MINPP1: variants seen among roughly 807,000 people sequenced by gnomAD.
MINPP1 encodes the protein multiple inositol polyphosphate phosphatase 1.
MINPP1 carries 28 observed loss-of-function variants against 46.1 expected under a neutral mutation model. The observed-to-expected ratio is 0.61, with a 90% CI of 0.45 to 0.83. The LOEUF is 0.83. Ranked by LOEUF, MINPP1 falls within the 40% of genes least tolerant of loss-of-function variation. The probability of loss-of-function intolerance (pLI) is 0.00; values close to 1 mark genes in which losing one functional copy is unlikely to be tolerated. For missense variants in MINPP1, 603 were observed against 610.0 expected (o/e 0.99, Z 0.12); for synonymous variants, 268 against 249.1 (o/e 1.08, Z -0.72).
chr10:87,514,899 A>G (rs1851391147), intron 3 of MINPP1, among the ~76,000 whole-genome samples: 1 of 151,616 alleles, frequency 6.6e-6, no homozygotes, highest in African/African-American at 2.4e-5. Flanking sequence ...TATTTTTAGT[A>G]GAGATGGGGT....
rs1478810386 is a variant in MINPP1, at chr10:87,553,003, G to C, written c.*525G>C. On this transcript the variant is annotated 3_prime_UTR_variant, in exon 5 of 5. Coordinates refer to ENST00000371996, the MANE Select transcript of MINPP1 (RefSeq NM_004897.5). ...ATCTCCAGATGAGAATTTGAAACAA[G>C]AAACAGAGTGTTGTAAAAGGACACC... 6.6e-6 allele frequency: 1 copy of C among 152,370 alleles called. No individual in the cohort carries two copies. The highest frequency in any genetic ancestry group is 1.5e-5 in the Non-Finnish European group (1 of 68,168). The allele number at this position is 152,370 out of a possible 1,614,324, so 9.4% of individuals were successfully genotyped here. A position where few individuals can be genotyped will look rare whatever the true frequency, so the allele number is the denominator to read the frequency against.
intron 4 of MINPP1, 33 bp from the exon 5 acceptor site, chr10:87,552,049 T>C: frequency 6.5e-7 from 1 of 1,537,430 alleles, no homozygotes; most frequent in Non-Finnish European, 8.9e-7. Context: ...CATTAATATA[T>C]ATACCTTATT....
intron 3 of MINPP1, among the ~76,000 whole-genome samples, chr10:87,520,508 CCAAA>C (rs1851485106): frequency 6.6e-6 from 1 of 152,128 alleles, no homozygotes; most frequent in Non-Finnish European, 1.5e-5. Flanking sequence ...TATTTTTTCA[CCAAA>C]CAGATACATG....
At chr10:87,531,039 A>G (rs1388580945) in intron 4 of MINPP1, among the ~76,000 whole-genome samples, 2 of 152,128 alleles carry the variant, frequency 1.3e-5, no homozygotes, top group Non-Finnish European at 2.9e-5. Context: ...GCCGTTTGCT[A>G]AGACCATTGG....
In MINPP1 at chr10:87,505,288, C is replaced by T. The variant is rs1490271443; in HGVS notation, c.373C>T (p.Arg125Cys). The change falls in exon 1 of 5, where the codon CGC becomes TGC. Residue 125 changes from arginine (R) to cysteine (C), a missense_variant. Arg to Cys is a radical substitution (Grantham distance 180). Around this residue, in one of 3 missense-constraint regions of MINPP1, gnomAD observed 239 missense variants for 189.4 expected, o/e 1.26. Coordinates refer to ENST00000371996, the MANE Select transcript of MINPP1 (RefSeq NM_004897.5). This position sits in a 1 kb window ranked among gnomAD's most constrained non-coding sequence, Gnocchi z 4.4. ...TGGCGGGGCTAGTAGTACCGGCAGC[C>T]GCGACCTGGGTGCAGCGCTGGCCGA... The part of the protein sequence containing the change: ...RDGGASSTGS[R>C]DLGAALADWP... 1 of 1,610,950 alleles carries T rather than the reference C, an allele frequency of 6.2e-7. No homozygotes were observed. Among genetic ancestry groups the T allele is most frequent in the Non-Finnish European group, 8.5e-7 (1 of 1,177,780 alleles).
At chr10:87,550,457 T>C (rs1470144964) in intron 4 of MINPP1, among the ~76,000 whole-genome samples, 1 of 152,198 alleles carries the variant, frequency 6.6e-6, no homozygotes, top group East Asian at 1.9e-4. Context: ...AGTGAATAAT[T>C]GTCTTTTAGT....
chr10:87,515,413 AAG>A (rs1491538250), intron 3 of MINPP1, among the ~76,000 whole-genome samples: 1 of 152,178 alleles, frequency 6.6e-6, no homozygotes, highest in Non-Finnish European at 1.5e-5. Context: ...AAGGAAAAAA[AAG>A]AACTTCTAAT....
chr10:87,531,792 G>A (rs1318425874), intron 4 of MINPP1, among the ~76,000 whole-genome samples: 3 of 152,172 alleles, frequency 2.0e-5, no homozygotes, highest in African/African-American at 4.8e-5. Context: ...TATGTAAGGT[G>A]TATATGGAAC....
intron 4 of MINPP1, among the ~76,000 whole-genome samples, chr10:87,535,600 C>T (rs77954815): frequency 6.6e-6 from 1 of 152,074 alleles, no homozygotes; most frequent in Non-Finnish European, 1.5e-5. Flanking sequence ...CAGAGAAAAA[C>T]AGTATACTTT....
chr10:87,511,411 T>C, intron 2 of MINPP1, among the ~76,000 whole-genome samples: 1 of 152,324 alleles, frequency 6.6e-6, no homozygotes, highest in Non-Finnish European at 1.5e-5. Context: ...CTTCCTTTTT[T>C]GTTGTTTTAT....
At chr10:87,508,077 C>A in intron 1 of MINPP1, 2 of 1,472,470 alleles carry the variant, frequency 1.4e-6, no homozygotes, top group South Asian at 1.4e-5. Context: ...GATGCAATTT[C>A]ATTGCGTAGC....
At chr10:87,533,757 A>G (rs748126917) in intron 4 of MINPP1, among the ~76,000 whole-genome samples, 17 of 152,062 alleles carry the variant, frequency 1.1e-4, no homozygotes, top group Non-Finnish European at 2.1e-4. Context: ...TTCAGATTTC[A>G]TAGTCTATAA....
rs1382206257 is a variant in MINPP1 at position 87,504,981 on chromosome 10, G to A, written c.66G>A (p.Ala22=). ...CGCCTGCCGCGGCCCTGGCTGCGGC[G>A]CTGCTCTCGTCGCTTGCGCGCTGCT... ...SVAPAAALAA[A]LLSSLARCSL... The change falls in exon 1 of 5, where the codon GCG becomes GCA. Residue 22 remains alanine, a synonymous_variant. Coordinates refer to ENST00000371996, the MANE Select transcript of MINPP1 (RefSeq NM_004897.5). 3 of 1,612,278 alleles carry A rather than the reference G, an allele frequency of 1.9e-6. No individual in the cohort carries two copies. The South Asian group carries it at 3.3e-5, about 18-fold the overall frequency.
chr10:87,507,959 A>G, intron 1 of MINPP1: 1 of 1,337,464 alleles, frequency 7.5e-7, no homozygotes, highest in Non-Finnish European at 9.5e-7. Flanking sequence ...GAAAAAATAG[A>G]TTCCATATGT....
chr10:87,552,150 C>G lies in MINPP1; in HGVS notation c.1136C>G (p.Ser379Cys). The G allele has an allele frequency of 6.2e-7, 1 of 1,613,658 alleles. No individual in the cohort carries two copies. The highest frequency in any genetic ancestry group is 8.5e-7 in the Non-Finnish European group (1 of 1,179,742). The change falls in exon 5 of 5, where the codon TCT (serine) becomes TGT (cysteine). Residue 379 changes from serine (S) to cysteine (C), a missense_variant. This residue lies in a region of MINPP1 where 344 missense variants were observed against 381.1 expected (regional missense o/e 0.90). Coordinates refer to ENST00000371996, the MANE Select transcript of MINPP1 (RefSeq NM_004897.5). ...GHAETLLPLL[S>C]LMGYFKDKEP... ...GCAGAGACTCTTCTTCCACTGCTTTCTCTCATGGGCTACTTCAAAGACAAG... is the reference window on the plus strand; with the variant it reads ...GCAGAGACTCTTCTTCCACTGCTTTGTCTCATGGGCTACTTCAAAGACAAG...
At chr10:87,546,556 T>A (rs761277626) in intron 4 of MINPP1, 2 of 152,248 alleles carry the variant, frequency 1.3e-5, no homozygotes, top group Non-Finnish European at 2.9e-5. Context: ...TTTTTTCTTA[T>A]TGCACGTTCA....
intron 4 of MINPP1, among the ~76,000 whole-genome samples, chr10:87,532,288 G>A (rs566951538): frequency 3.9e-5 from 6 of 152,306 alleles, no homozygotes; most frequent in Non-Finnish European, 7.3e-5. Flanking sequence ...ATTCAACAAA[G>A]CAGCTACTAT....
intron 4 of MINPP1, among the ~76,000 whole-genome samples, chr10:87,543,452 C>G (rs1851844588): frequency 6.6e-6 from 1 of 152,084 alleles, no homozygotes; most frequent in South Asian, 2.1e-4. Flanking sequence ...CCCAGGAGTT[C>G]AAGACCACTC....
chr10:87,508,452 T>C lies in MINPP1; in HGVS notation c.754T>C (p.Phe252Leu). 1 of 1,613,880 alleles carries C rather than the reference T, an allele frequency of 6.2e-7. No individual in the cohort carries two copies. The highest frequency in any genetic ancestry group is 8.5e-7 in the Non-Finnish European group (1 of 1,179,872). The change falls in exon 2 of 5, where the codon TTC (phenylalanine) becomes CTC (leucine). Residue 252 changes from phenylalanine to leucine, a missense_variant. Phe to Leu is a conservative substitution (Grantham distance 22). This residue lies in a region of MINPP1 where 344 missense variants were observed against 381.1 expected (regional missense o/e 0.90). Transcript: ENST00000371996. ...NATALYHVEA[F>L]KTGPEMQNIL... is the part of the protein sequence containing the mutation. ...TACAGCTCTTTATCACGTGGAAGCCTTCAAAACTGGACCAGAAATGCAGAA... is the reference window on the plus strand; with the variant it reads ...TACAGCTCTTTATCACGTGGAAGCCCTCAAAACTGGACCAGAAATGCAGAA...
Sources: allele counts gnomAD v4.1 joint callset (sites outside exome capture counted in the v4.1 genomes callset), GRCh38; gene constraint gnomAD v4.1.1; regional missense constraint gnomAD v4.1.1; non-coding constraint Gnocchi (gnomAD v3.1); transcripts MANE v1.5; gene names NCBI Gene and HGNC (gene_info 2026-07-23, HGNC 2026-07-21).